The following PKIB variants were observed in gnomAD, a reference collection of about 807,000 sequenced individuals.
The protein encoded by PKIB is PKI-beta.
PKIB carries 2 observed loss-of-function variants against 4.5 expected under a neutral mutation model. The ratio of observed to expected loss-of-function variants is 0.44; its 90% CI spans 0.18 to 1.39. The LOEUF is 1.39. PKIB is among the 40% of genes most tolerant of loss of function. The probability of loss-of-function intolerance (pLI) is 0.27; values close to 1 mark genes in which losing one functional copy is unlikely to be tolerated. For missense variants in PKIB, 94 were observed against 92.6 expected (o/e 1.02, Z -0.06); for synonymous variants, 38 against 36.0 (o/e 1.06, Z -0.20).
chr6:122,597,982 A>G (rs1035039281), intron 3 of PKIB, among the ~76,000 whole-genome samples: 2 of 152,192 alleles, frequency 1.3e-5, no homozygotes, highest in African/African-American at 4.8e-5. Context: ...AGTGTCCAGT[A>G]GTCCCCAAAA....
At chr6:122,488,106 A>G (rs1775822110) in intron 2 of PKIB, among the ~76,000 whole-genome samples, 1 of 152,020 alleles carries the variant, frequency 6.6e-6, no homozygotes, top group Non-Finnish European at 1.5e-5. Flanking sequence ...TCTTATCTCA[A>G]TATGTTCTTA....
intron 3 of PKIB, among the ~76,000 whole-genome samples, chr6:122,694,032 G>A (rs963748772): frequency 1.3e-5 from 2 of 152,120 alleles, no homozygotes; most frequent in African/African-American, 2.4e-5. Context: ...AAGGTCGTGC[G>A]TATGCATTTC....
At chr6:122,634,580 C>T (rs1775837777) in intron 2 of PKIB, among the ~76,000 whole-genome samples, 2 of 152,084 alleles carry the variant, frequency 1.3e-5, no homozygotes, top group East Asian at 3.9e-4. Context: ...AACACAACTC[C>T]AGGGAAGCAG....
At chr6:122,494,922 A>C (rs1447603675) in intron 2 of PKIB, among the ~76,000 whole-genome samples, 1 of 152,218 alleles carries the variant, frequency 6.6e-6, no homozygotes, top group Non-Finnish European at 1.5e-5. Context: ...CCTCCAGGCC[A>C]ATACAGAGAG....
intron 2 of PKIB, among the ~76,000 whole-genome samples, chr6:122,499,026 G>T (rs554494791): frequency 6.6e-6 from 1 of 152,226 alleles, no homozygotes; most frequent in East Asian, 1.9e-4. Context: ...CAAATTGAAA[G>T]CCTGAACTGA....
At chr6:122,637,976 A>T (rs927568080) in intron 2 of PKIB, among the ~76,000 whole-genome samples, 2 of 152,166 alleles carry the variant, frequency 1.3e-5, no homozygotes, top group African/African-American at 4.8e-5. Context: ...AACCTCCTTG[A>T]GTAATCTCTG....
intron 2 of PKIB, among the ~76,000 whole-genome samples, chr6:122,484,558 C>A (rs975512046): frequency 4.6e-5 from 7 of 152,008 alleles, no homozygotes; most frequent in Non-Finnish European, 4.4e-5. Flanking sequence ...AGGGGCAGTC[C>A]CAAAGTGAAG....
At chr6:122,669,505 C>G (rs1186785515) in intron 2 of PKIB, among the ~76,000 whole-genome samples, 1 of 151,926 alleles carries the variant, frequency 6.6e-6, no homozygotes, top group East Asian at 1.9e-4. Context: ...CTCTCTTCTG[C>G]CTTTTGTGAG....
intron 3 of PKIB, among the ~76,000 whole-genome samples, chr6:122,586,329 A>G (rs1773846844): frequency 6.6e-6 from 1 of 152,116 alleles, no homozygotes; most frequent in Non-Finnish European, 1.5e-5. Context: ...TCTTGATACC[A>G]TCATATGATT....
chr6:122,571,988 A>G (rs1773379946), intron 2 of PKIB, among the ~76,000 whole-genome samples: 1 of 152,206 alleles, frequency 6.6e-6, no homozygotes, highest in Non-Finnish European at 1.5e-5. Flanking sequence ...TACTGTCTTC[A>G]AGAGGCCCAT....
Position 122,613,619 on chromosome 6 carries a change from G to T in PKIB, c.-161+3084G>T, listed in dbSNP as rs142997673. Among the ~76,000 whole-genome samples, 1,413 of 150,694 alleles carry T rather than the reference G, an allele frequency of 9.4e-3. 18 individuals are homozygous for T. The highest frequency in any genetic ancestry group is 0.015 in the Non-Finnish European group (980 of 67,354). ...TGGAAATAATCTAGGTTAAGCACTT[G>T]AACATCCCCATAAAATCAAAGACAG... On this transcript the variant is annotated intron_variant, in intron 1 of 4. Transcript: ENST00000368452.
intron 2 of PKIB, among the ~76,000 whole-genome samples, chr6:122,655,371 T>G (rs776148127): frequency 4.6e-5 from 7 of 152,210 alleles, no homozygotes; most frequent in Admixed American, 2.0e-4. Context: ...GACTAGGCCA[T>G]GCAAGTGGAG....
chr6:122,670,985 A>G (rs1414320287), intron 2 of PKIB, among the ~76,000 whole-genome samples: 1 of 152,240 alleles, frequency 6.6e-6, no homozygotes. Context: ...AAACAAAACA[A>G]AAATTTAAAA....
intron 2 of PKIB, among the ~76,000 whole-genome samples, chr6:122,496,405 A>T (rs1228996742): frequency 6.6e-6 from 1 of 152,244 alleles, no homozygotes; most frequent in African/African-American, 2.4e-5. Context: ...CTCAGAAATG[A>T]CAGTTAAAGA....
In PKIB at chr6:122,715,887, T is replaced by C. The variant is rs556589912; in HGVS notation, c.-8-1900T>C. 8.5e-5 allele frequency among the ~76,000 whole-genome samples: 13 copies of C among 152,254 alleles called. No individual in the cohort carries two copies. The South Asian group carries it at 2.5e-3, about 29-fold the overall frequency. On this transcript the variant is annotated intron_variant, in intron 3 of 4. Transcript: ENST00000368452. ...GAAATTGATTTGCATGCCTGAGTGC[T>C]GACTTAGCAGCTGTGCAACTTTAAA...
intron 3 of PKIB, among the ~76,000 whole-genome samples, chr6:122,713,012 C>T (rs1009485572): frequency 6.6e-5 from 10 of 152,000 alleles, no homozygotes; most frequent in African/African-American, 2.2e-4. Flanking sequence ...TTGAACATCT[C>T]GTCCTCTTGA....
intron 1 of PKIB, among the ~76,000 whole-genome samples, chr6:122,632,166 A>G (rs1775730267): frequency 6.6e-6 from 1 of 152,202 alleles, no homozygotes; most frequent in Non-Finnish European, 1.5e-5. Flanking sequence ...GAAGAACATT[A>G]AGAGCCTGGA....
At chr6:122,638,962 T>A (rs534593084) in intron 2 of PKIB, among the ~76,000 whole-genome samples, 2 of 152,072 alleles carry the variant, frequency 1.3e-5, no homozygotes, top group South Asian at 2.1e-4. Flanking sequence ...TTTTTAAACA[T>A]GTATCTTTAT....
chr6:122,545,347 A>T (rs574380226), intron 2 of PKIB, among the ~76,000 whole-genome samples: 1 of 152,100 alleles, frequency 6.6e-6, no homozygotes, highest in Non-Finnish European at 1.5e-5. Context: ...AACAACATGG[A>T]TGGAGCTGGA....
Sources: allele counts gnomAD v4.1 joint callset (sites outside exome capture counted in the v4.1 genomes callset), GRCh38; gene constraint gnomAD v4.1.1; transcripts MANE v1.5; gene names NCBI Gene and HGNC (gene_info 2026-07-23, HGNC 2026-07-21).